SEMA5A: variants seen among roughly 807,000 people sequenced by gnomAD.
SEMA5A encodes the protein semaphorin 5A, also known as semaphorin-5A.
A neutral mutation model predicts 135.5 loss-of-function variants in SEMA5A; 55 were observed. The observed-to-expected ratio is 0.41, with a 90% CI of 0.33 to 0.51. The LOEUF (loss-of-function observed/expected upper bound fraction) is 0.51. SEMA5A is among the 20% of genes least tolerant of loss of function. SEMA5A has a pLI of 0.37. For missense variants in SEMA5A, 1,290 were observed against 1,419.9 expected (o/e 0.91, Z 1.47); for synonymous variants, 580 against 546.5 (o/e 1.06, Z -0.85).
chr5:9,223,174 C>T (rs1195344119), intron 8 of SEMA5A, among the ~76,000 whole-genome samples: 2 of 152,168 alleles, frequency 1.3e-5, no homozygotes, highest in Non-Finnish European at 2.9e-5. Context: ...CTAGTTAGTG[C>T]TTCAGTTTGG....
At chr5:9,124,591 G>C (rs1741004656) in intron 13 of SEMA5A, among the ~76,000 whole-genome samples, 2 of 152,000 alleles carry the variant, frequency 1.3e-5, no homozygotes, top group Admixed American at 1.3e-4. Flanking sequence ...TGAGTAGCTG[G>C]GACTACAGGC....
At chr5:9,521,721 G>A (rs1423848135) in intron 1 of SEMA5A, among the ~76,000 whole-genome samples, 2 of 152,150 alleles carry the variant, frequency 1.3e-5, no homozygotes, top group African/African-American at 2.4e-5. Flanking sequence ...ACACTACAAG[G>A]AAAACCTCCT....
intron 1 of SEMA5A, among the ~76,000 whole-genome samples, chr5:9,504,166 G>C (rs1464102074): frequency 7.0e-6 from 1 of 143,364 alleles, no homozygotes; most frequent in Non-Finnish European, 1.5e-5. Flanking sequence ...AGTGAGCCAA[G>C]GTCACGCCAC....
At chr5:9,165,115 G>A (rs1411530438) in intron 11 of SEMA5A, among the ~76,000 whole-genome samples, 1 of 152,052 alleles carries the variant, frequency 6.6e-6, no homozygotes, top group Non-Finnish European at 1.5e-5. Context: ...AGACACCTGG[G>A]AACACTGAGC....
intron 3 of SEMA5A, among the ~76,000 whole-genome samples, chr5:9,362,616 ATAATT>A (rs199935298): frequency 1.3e-5 from 2 of 152,226 alleles, no homozygotes; most frequent in Non-Finnish European, 2.9e-5. Context: ...ATTTAAAAAT[ATAATT>A]TAAACTACTA....
At chr5:9,326,399 C>T (rs1261055811) in intron 4 of SEMA5A, among the ~76,000 whole-genome samples, 29 of 152,232 alleles carry the variant, frequency 1.9e-4, no homozygotes, top group African/African-American at 2.6e-4. Context: ...TACAGGTGCG[C>T]GCCACCATGC....
chr5:9,142,060 G>T (rs542642761), intron 12 of SEMA5A, among the ~76,000 whole-genome samples: 1 of 152,294 alleles, frequency 6.6e-6, no homozygotes, highest in Non-Finnish European at 1.5e-5. Flanking sequence ...GTGTACCATG[G>T]CAAACAGACA....
chr5:9,257,868 C>T (rs1342720573), intron 5 of SEMA5A, among the ~76,000 whole-genome samples: 1 of 152,080 alleles, frequency 6.6e-6, no homozygotes, highest in African/African-American at 2.4e-5. Context: ...AAGTCAGCCC[C>T]TAGACAGCTC....
intron 11 of SEMA5A, among the ~76,000 whole-genome samples, chr5:9,161,080 G>C (rs1354596242): frequency 6.6e-6 from 1 of 151,952 alleles, no homozygotes; most frequent in East Asian, 1.9e-4. Context: ...AAGTTACTAA[G>C]TACACTGTGG....
intron 21 of SEMA5A, among the ~76,000 whole-genome samples, chr5:9,046,109 T>A (rs2150030784): frequency 1.3e-5 from 2 of 152,322 alleles, no homozygotes; most frequent in South Asian, 4.1e-4. Context: ...ACCAAGTGGC[T>A]GCTGCCCATG....
chr5:9,335,619 C>A (rs60031337), intron 4 of SEMA5A, among the ~76,000 whole-genome samples: 3,382 of 152,246 alleles, frequency 0.022, 97 homozygotes, highest in East Asian at 0.11. Flanking sequence ...TTTGTACCTG[C>A]CCCACCCCGG....
At chr5:9,059,939 G>C (rs1737092207) in intron 18 of SEMA5A, among the ~76,000 whole-genome samples, 1 of 152,162 alleles carries the variant, frequency 6.6e-6, no homozygotes, top group Non-Finnish European at 1.5e-5. Flanking sequence ...GAACCCAACA[G>C]GGTTAAAGAA....
At chr5:9,153,044 G>T (rs1407535142) in intron 12 of SEMA5A, among the ~76,000 whole-genome samples, 1 of 149,832 alleles carries the variant, frequency 6.7e-6, no homozygotes. Context: ...CTCCAGCCTG[G>T]GTTACAGAGC....
intron 8 of SEMA5A, among the ~76,000 whole-genome samples, chr5:9,222,690 G>A (rs1747073726): frequency 6.6e-6 from 1 of 152,214 alleles, no homozygotes; most frequent in Admixed American, 6.5e-5. Flanking sequence ...AAATAACAAT[G>A]TTATGCCTGA....
chr5:9,069,717 C>T (rs529951331), intron 16 of SEMA5A, among the ~76,000 whole-genome samples: 2 of 152,300 alleles, frequency 1.3e-5, no homozygotes, highest in East Asian at 3.9e-4. Context: ...TCCCGGCCTG[C>T]ATGATCTCTA....
intron 11 of SEMA5A, among the ~76,000 whole-genome samples, chr5:9,158,200 AT>A (rs1280356174): frequency 6.6e-6 from 1 of 152,162 alleles, no homozygotes; most frequent in Non-Finnish European, 1.5e-5. Context: ...GCTGATTAAT[AT>A]TTTTCCCATT....
chr5:9,160,575 C>T (rs1311210057), intron 11 of SEMA5A, among the ~76,000 whole-genome samples: 1 of 152,164 alleles, frequency 6.6e-6, no homozygotes, highest in Non-Finnish European at 1.5e-5. Flanking sequence ...CAGTGGCATG[C>T]CTGCCAATGA....
At chr5:9,292,690 C>A (rs117430194) in intron 5 of SEMA5A, among the ~76,000 whole-genome samples, 1 of 152,128 alleles carries the variant, frequency 6.6e-6, no homozygotes, top group Non-Finnish European at 1.5e-5. Context: ...ACACTCAAGT[C>A]CATACAAAGA....
intron 1 of SEMA5A, among the ~76,000 whole-genome samples, chr5:9,502,735 C>G (rs1456542329): frequency 1.3e-5 from 2 of 152,080 alleles, no homozygotes; most frequent in East Asian, 3.9e-4. Flanking sequence ...GAGGAGCAAG[C>G]CTTTGAAATC....
Sources: gnomAD v4.1 joint callset for allele counts (sites outside exome capture counted in the v4.1 genomes callset) on GRCh38, gnomAD v4.1.1 for gene constraint, MANE v1.5 for transcripts, NCBI Gene and HGNC (gene_info 2026-07-23, HGNC 2026-07-21) for gene names.